The following IGSF21 variants were observed in gnomAD, a reference collection of about 807,000 sequenced individuals.
IGSF21 encodes immunoglobulin superfamily member 21.
In IGSF21, 28 loss-of-function variants were observed where a neutral mutation model predicts 46.8. The ratio of observed to expected loss-of-function variants is 0.60; its 90% confidence interval spans 0.44 to 0.82. The LOEUF is 0.82. IGSF21 is among the 40% of genes least tolerant of loss of function. The probability of loss-of-function intolerance (pLI) is 0.00; values close to 1 mark genes in which losing one functional copy is unlikely to be tolerated. For synonymous variants in IGSF21, 284 were observed against 273.6 expected (o/e 1.04, Z -0.38); for missense variants, 624 against 665.5 (o/e 0.94, Z 0.69).
At chr1:18,305,527 TTATGAATG>T (rs1382062828) in intron 3 of IGSF21, among the ~76,000 whole-genome samples, 37 of 71,788 alleles carry the variant, frequency 5.2e-4, no homozygotes, top group South Asian at 1.7e-3. Flanking sequence ...GATGGATGGA[TTATGAATG>T]GATGGATGGA....
chr1:18,349,599 G>T (rs1045128467), intron 4 of IGSF21, among the ~76,000 whole-genome samples: 1 of 152,168 alleles, frequency 6.6e-6, no homozygotes, highest in Non-Finnish European at 1.5e-5. Context: ...ATGAGAAGGG[G>T]CAGGGAGTAA....
At chr1:18,303,006 C>T (rs1025991282) in intron 3 of IGSF21, among the ~76,000 whole-genome samples, 5 of 152,142 alleles carry the variant, frequency 3.3e-5, no homozygotes, top group African/African-American at 9.7e-5. Context: ...CTGTCTGCTG[C>T]CCTCTGGTGA....
intron 1 of IGSF21, among the ~76,000 whole-genome samples, chr1:18,160,963 G>A (rs2086615273): frequency 6.6e-6 from 1 of 152,102 alleles, no homozygotes; most frequent in South Asian, 2.1e-4. Context: ...TGTACCCCCT[G>A]CATCCTGGAA....
intron 1 of IGSF21, among the ~76,000 whole-genome samples, chr1:18,180,873 A>G (rs1557575340): frequency 6.6e-6 from 1 of 152,212 alleles, no homozygotes; most frequent in Non-Finnish European, 1.5e-5. Context: ...ATCACATGGT[A>G]TTGTGGTAAG....
chr1:18,257,886 A>C (rs930706492), intron 2 of IGSF21, among the ~76,000 whole-genome samples: 5 of 152,082 alleles, frequency 3.3e-5, no homozygotes, highest in African/African-American at 1.2e-4. Flanking sequence ...TGAACCCTTC[A>C]CCTGAAGTCT....
At chr1:18,168,473 A>G (rs2086701216) in intron 1 of IGSF21, among the ~76,000 whole-genome samples, 1 of 152,172 alleles carries the variant, frequency 6.6e-6, no homozygotes, top group Non-Finnish European at 1.5e-5. Context: ...ACCCTGGGTC[A>G]TCGTCACTTA....
At chr1:18,182,407 A>C (rs2086865836) in intron 1 of IGSF21, among the ~76,000 whole-genome samples, 1 of 151,964 alleles carries the variant, frequency 6.6e-6, no homozygotes, top group South Asian at 2.1e-4. Context: ...TTGAACTCCT[A>C]ACCTCAGGTG....
At chr1:18,329,980 A>G (rs2085696527) in intron 3 of IGSF21, among the ~76,000 whole-genome samples, 1 of 152,208 alleles carries the variant, frequency 6.6e-6, no homozygotes, top group Non-Finnish European at 1.5e-5. Context: ...CGGTGTTGGT[A>G]AACTCCAGCC....
chr1:18,155,569 A>G (rs899435729), intron 1 of IGSF21, among the ~76,000 whole-genome samples: 1 of 152,252 alleles, frequency 6.6e-6, no homozygotes, highest in Non-Finnish European at 1.5e-5. Flanking sequence ...GAAGGGGAAG[A>G]ATGCACAGCA....
intron 3 of IGSF21, among the ~76,000 whole-genome samples, chr1:18,320,653 G>A (rs1274187606): frequency 6.6e-6 from 1 of 152,130 alleles, no homozygotes; most frequent in Non-Finnish European, 1.5e-5. Flanking sequence ...GCTGCCCCTG[G>A]TCCATCCCAA....
chr1:18,138,864 G>T lies in IGSF21; in HGVS notation c.70+30666G>T, dbSNP rs183787197. Among the ~76,000 whole-genome samples the T allele has an allele frequency of 5.9e-5, 9 of 152,326 alleles. No individual in the cohort carries two copies. In the East Asian group the frequency reaches 1.7e-3, roughly 29 times the overall value. On this transcript the variant is annotated intron_variant, in intron 1 of 9. Coordinates refer to ENST00000251296, the MANE Select transcript of IGSF21 (RefSeq NM_032880.5). ...AAATGTCTTGTCAATGGACATTATT[G>T]TCCTCTTTTTACAGATGAGGAAACT... is the stretch of plus-strand genomic sequence containing the variant.
chr1:18,204,032 G>A (rs1385517446), intron 1 of IGSF21, among the ~76,000 whole-genome samples: 1 of 152,168 alleles, frequency 6.6e-6, no homozygotes, highest in Non-Finnish European at 1.5e-5. Context: ...ACCAACCTCT[G>A]TTTCTGAGGG....
At chr1:18,242,114 G>A (rs1380011184) in intron 2 of IGSF21, among the ~76,000 whole-genome samples, 2 of 152,178 alleles carry the variant, frequency 1.3e-5, no homozygotes, top group East Asian at 3.9e-4. Context: ...TCCACACAGA[G>A]GCTGTCAACG....
intron 1 of IGSF21, among the ~76,000 whole-genome samples, chr1:18,144,249 C>T (rs1415517409): frequency 6.6e-6 from 1 of 152,182 alleles, no homozygotes; most frequent in Non-Finnish European, 1.5e-5. Flanking sequence ...CTTCCCAGGA[C>T]AGAGCAGCAC....
chr1:18,375,785 C>T (rs780542600), intron 6 of IGSF21, among the ~76,000 whole-genome samples: 2 of 152,166 alleles, frequency 1.3e-5, no homozygotes, highest in African/African-American at 2.4e-5. Context: ...CTTCATGACC[C>T]TCTGAGGCCC....
rs765514935 is a variant in IGSF21 at position 18,337,983 on chromosome 1, C to T, written c.424+2973C>T. Among the ~76,000 whole-genome samples the T allele has an allele frequency of 1.3e-5, 2 of 151,980 alleles. No homozygotes were observed. Among genetic ancestry groups the T allele is most frequent in the Non-Finnish European group, 2.9e-5 (2 of 68,014 alleles). ...AGGTCCTGAATGGTGAGGGGAGGGC[C>T]GGGGGAGGCGGCGTGGCTGAGTGTT... On this transcript the variant is annotated intron_variant, in intron 4 of 9. Transcript: ENST00000251296. This position sits in a 1 kb window ranked among gnomAD's most constrained non-coding sequence, Gnocchi z 5.7.
In IGSF21 at chr1:18,378,318, C is replaced by T; in HGVS notation, c.1396C>T (p.Leu466=). 3 of 1,613,430 alleles carry T rather than the reference C, an allele frequency of 1.9e-6. No homozygotes were observed. Among genetic ancestry groups the T allele is most frequent in the Non-Finnish European group, 2.5e-6 (3 of 1,179,638 alleles). The change falls in exon 10 of 10, where the codon CTG becomes TTG. Residue 466 remains leucine, a synonymous_variant. Coordinates refer to ENST00000251296, the MANE Select transcript of IGSF21 (RefSeq NM_032880.5). ...GCTCGCCCTGACAGTGATTCTGGAG[C>T]TGACGTGAAGGCACCCGCCCCGGCC... ...LVLALTVILE[L]T
chr1:18,139,842 A>G (rs1038162862), intron 1 of IGSF21, among the ~76,000 whole-genome samples: 1 of 152,242 alleles, frequency 6.6e-6, no homozygotes, highest in Non-Finnish European at 1.5e-5. Flanking sequence ...GCCAGTGCAC[A>G]GGGCAGGCCA....
chr1:18,321,836 A>G (rs561046944), intron 3 of IGSF21, among the ~76,000 whole-genome samples: 1 of 152,368 alleles, frequency 6.6e-6, no homozygotes, highest in East Asian at 1.9e-4. Flanking sequence ...TGCAGGGTTC[A>G]GGACCCAGCT....
Sources: allele counts gnomAD v4.1 joint callset (sites outside exome capture counted in the v4.1 genomes callset), GRCh38; gene constraint gnomAD v4.1.1; non-coding constraint Gnocchi (gnomAD v3.1); transcripts MANE v1.5; gene names NCBI Gene and HGNC (gene_info 2026-07-23, HGNC 2026-07-21).